Variants in OR14A2 observed in about 807,000 individuals in gnomAD.
OR14A2 encodes the protein olfactory receptor 14A2.
For synonymous variants in OR14A2, 114 were observed against 58.6 expected (o/e 1.95, Z -4.32); for missense variants, 237 against 152.9 (o/e 1.55, Z -2.90).
At chr1:247,743,159 C>A in the OR14A2 span, among the ~76,000 whole-genome samples, 1 of 152,114 alleles carries the variant, frequency 6.6e-6, no homozygotes, top group Non-Finnish European at 1.5e-5. Flanking sequence ...GTTTAATGTT[C>A]CACTTCCTGC....
the OR14A2 span, among the ~76,000 whole-genome samples, chr1:247,729,236 G>A: frequency 6.6e-6 from 1 of 152,078 alleles, no homozygotes; most frequent in Non-Finnish European, 1.5e-5. Flanking sequence ...AATCACATGT[G>A]TTTTCTGTAG....
the OR14A2 span, chr1:247,746,893 A>C: frequency 1.3e-5 from 2 of 152,136 alleles, no homozygotes; most frequent in Non-Finnish European, 2.9e-5. Flanking sequence ...GAAGGACTAG[A>C]GTGTGGGAGG....
At chr1:247,744,812 C>T in the OR14A2 span, among the ~76,000 whole-genome samples, 1 of 152,050 alleles carries the variant, frequency 6.6e-6, no homozygotes, top group Non-Finnish European at 1.5e-5. The surrounding 1 kb of genome is among the most constrained non-coding windows in gnomAD (Gnocchi z 4.3). Flanking sequence ...TTTAAAGTTG[C>T]CTCAAGGAGT....
At chr1:247,732,460 G>T in the OR14A2 span, among the ~76,000 whole-genome samples, 1 of 152,058 alleles carries the variant, frequency 6.6e-6, no homozygotes, top group Non-Finnish European at 1.5e-5. Flanking sequence ...ATTATGTTTA[G>T]GTTTCACATG....
the OR14A2 span, among the ~76,000 whole-genome samples, chr1:247,735,598 C>T: frequency 6.6e-6 from 1 of 152,278 alleles, no homozygotes; most frequent in East Asian, 1.9e-4. Context: ...TGTGACCTCC[C>T]AGGAGAGTCC....
At chr1:247,737,581 C>A in the OR14A2 span, among the ~76,000 whole-genome samples, 3 of 152,100 alleles carry the variant, frequency 2.0e-5, no homozygotes, top group Non-Finnish European at 4.4e-5. Flanking sequence ...TGTCTACATA[C>A]CCTAAGAGCT....
At chr1:247,726,245 C>A (rs2103203197), upstream of OR14A2, among the ~76,000 whole-genome samples, 1 of 124,434 alleles carries the variant, frequency 8.0e-6, no homozygotes, top group East Asian at 2.3e-4. Flanking sequence ...GAGATGGTAT[C>A]TCATAGTGGT....
chr1:247,739,336 C>T, the OR14A2 span: 2 of 780,782 alleles, frequency 2.6e-6, no homozygotes, highest in East Asian at 4.8e-5. Context: ...AACTGTGTGC[C>T]TCACCTCATT....
chr1:247,743,145 G>C, the OR14A2 span, among the ~76,000 whole-genome samples: 1 of 152,136 alleles, frequency 6.6e-6, no homozygotes. Flanking sequence ...TATTTCCAGT[G>C]AAAGTTTAAT....
the OR14A2 span, among the ~76,000 whole-genome samples, chr1:247,730,972 A>C: frequency 6.6e-6 from 1 of 152,148 alleles, no homozygotes. Context: ...ATAATGTTTT[A>C]CCAGCTACTT....
At chr1:247,738,430 T>A in the OR14A2 span, among the ~76,000 whole-genome samples, 1 of 152,204 alleles carries the variant, frequency 6.6e-6, no homozygotes, top group Non-Finnish European at 1.5e-5. Flanking sequence ...TAGACTGATA[T>A]ACCCACAGTT....
At chr1:247,740,104 A>C in the OR14A2 span, among the ~76,000 whole-genome samples, 146 of 152,340 alleles carry the variant, frequency 9.6e-4, no homozygotes, top group African/African-American at 3.4e-3. Context: ...TCTTGTTCTG[A>C]AGATCCACAT....
At chr1:247,747,394 C>T in the OR14A2 span, among the ~76,000 whole-genome samples, 12 of 148,346 alleles carry the variant, frequency 8.1e-5, no homozygotes, top group South Asian at 2.6e-3. Context: ...CGGAGTCTCG[C>T]TCTGTTGCCC....
chr1:247,737,901 A>C, the OR14A2 span, among the ~76,000 whole-genome samples: 4 of 152,088 alleles, frequency 2.6e-5, no homozygotes, highest in Non-Finnish European at 5.9e-5. Context: ...CCTTCCTAGA[A>C]TATTATGTTA....
chr1:247,732,710 G>A, the OR14A2 span, among the ~76,000 whole-genome samples: 1 of 152,174 alleles, frequency 6.6e-6, no homozygotes, highest in African/African-American at 2.4e-5. Flanking sequence ...TAGTCCTTCA[G>A]TAGGTGAGTG....
the OR14A2 span, among the ~76,000 whole-genome samples, chr1:247,732,152 G>C: frequency 6.6e-6 from 1 of 152,018 alleles, no homozygotes; most frequent in Non-Finnish European, 1.5e-5. Flanking sequence ...TGGGTAGAAA[G>C]TGTTTGGCCT....
the OR14A2 span, among the ~76,000 whole-genome samples, chr1:247,735,548 G>A: frequency 6.6e-6 from 1 of 152,176 alleles, no homozygotes; most frequent in African/African-American, 2.4e-5. Context: ...GGTCTCCAGG[G>A]CTTAAAACCT....
chr1:247,742,372 A>G, the OR14A2 span, among the ~76,000 whole-genome samples: 2 of 149,424 alleles, frequency 1.3e-5, no homozygotes, highest in Admixed American at 6.6e-5. Flanking sequence ...TAATACACGC[A>G]CACACACACA....
the OR14A2 span, among the ~76,000 whole-genome samples, chr1:247,736,175 C>CCTCTT: frequency 6.9e-6 from 1 of 144,808 alleles, no homozygotes; most frequent in Admixed American, 6.8e-5. Context: ...CCTCCCCTCT[C>CCTCTT]CTCTCCTCTC....
Sources: allele counts gnomAD v4.1 joint callset (sites outside exome capture counted in the v4.1 genomes callset), GRCh38; gene constraint gnomAD v4.1.1; non-coding constraint Gnocchi (gnomAD v3.1); transcripts MANE v1.5; gene names NCBI Gene and HGNC (gene_info 2026-07-23, HGNC 2026-07-21).